TAFA2: variants seen among roughly 807,000 people sequenced by gnomAD.
The protein encoded by TAFA2 is TAFA chemokine like family member 2.
TAFA2 carries 7 observed loss-of-function variants against 18.8 expected under a neutral mutation model. The ratio of observed to expected loss-of-function variants is 0.37; its 90% CI spans 0.21 to 0.70. The LOEUF (loss-of-function observed/expected upper bound fraction) is 0.70. Among genes scored for constraint, TAFA2 ranks in the 30% least tolerant of loss-of-function variants. The probability of loss-of-function intolerance (pLI) is 0.53; values close to 1 mark genes in which losing one functional copy is unlikely to be tolerated. For synonymous variants in TAFA2, 60 were observed against 54.2 expected, an observed-to-expected ratio of 1.11 and a Z score of -0.47; for missense variants, 122 against 158.1, an observed-to-expected ratio of 0.77 and a Z score of 1.23.
chr12:62,133,955 C>T lies in TAFA2; in HGVS notation c.-2+57304G>A, dbSNP rs189227745. Among the ~76,000 whole-genome samples the T allele has an allele frequency of 5.5e-4, 84 of 152,156 alleles. 1 individual carries two copies. Among genetic ancestry groups the T allele is most frequent in the African/African-American group, 2.0e-3 (82 of 41,556 alleles). On this transcript the variant is annotated intron_variant, in intron 1 of 4. Coordinates refer to ENST00000416284, the MANE Select transcript of TAFA2 (RefSeq NM_178539.5). ...GAGTTCTACCTGCTCACCTCTCTAA[C>T]TTCATCTCACGATACTCTACTCCTA...
chr12:62,153,258 G>A (rs1311993393), intron 1 of TAFA2, among the ~76,000 whole-genome samples: 2 of 152,122 alleles, frequency 1.3e-5, no homozygotes, highest in African/African-American at 4.8e-5. Flanking sequence ...ATTATATTAT[G>A]TGATATAAGA....
At chr12:62,071,509 A>C (rs1034545470) in intron 1 of TAFA2, among the ~76,000 whole-genome samples, 2 of 152,108 alleles carry the variant, frequency 1.3e-5, no homozygotes, top group African/African-American at 4.8e-5. Flanking sequence ...TGGGAGGCCG[A>C]GACAGGAGGA....
chr12:61,887,585 T>A (rs12814709), intron 1 of TAFA2, among the ~76,000 whole-genome samples: 1 of 72,882 alleles, frequency 1.4e-5, no homozygotes. Flanking sequence ...CCCTCCCCCC[T>A]CCCCCCACCC....
chr12:61,781,009 A>G (rs1317388175), intron 2 of TAFA2, among the ~76,000 whole-genome samples: 1 of 151,660 alleles, frequency 6.6e-6, no homozygotes, highest in Non-Finnish European at 1.5e-5. Flanking sequence ...GCTTCCTCCC[A>G]TCTAACTATC....
chr12:61,795,121 C>G (rs2120940377), intron 2 of TAFA2, among the ~76,000 whole-genome samples: 1 of 152,256 alleles, frequency 6.6e-6, no homozygotes, highest in South Asian at 2.1e-4. Context: ...AACACTTTTA[C>G]ACTGTTGGTG....
At chr12:62,217,439 G>C (rs998835563) in intron 1 of TAFA2, among the ~76,000 whole-genome samples, 1 of 152,216 alleles carries the variant, frequency 6.6e-6, no homozygotes, top group African/African-American at 2.4e-5. Flanking sequence ...TAGACAGAGA[G>C]AAAAGACAAA....
intron 1 of TAFA2, among the ~76,000 whole-genome samples, chr12:62,001,096 C>T (rs1433493809): frequency 6.6e-6 from 1 of 152,184 alleles, no homozygotes; most frequent in Admixed American, 6.5e-5. Flanking sequence ...AGCAAAAACC[C>T]TGAACTTCCT....
intron 1 of TAFA2, among the ~76,000 whole-genome samples, chr12:61,867,915 A>G (rs1453092211): frequency 6.6e-6 from 1 of 152,138 alleles, no homozygotes; most frequent in Non-Finnish European, 1.5e-5. Context: ...TGTGCTTTTT[A>G]AAAATCACCT....
intron 4 of TAFA2, among the ~76,000 whole-genome samples, chr12:61,743,120 T>C (rs1003321971): frequency 2.0e-5 from 3 of 152,012 alleles, no homozygotes; most frequent in Admixed American, 1.3e-4. Context: ...CATTACATAC[T>C]TCCCCTCACA....
intron 1 of TAFA2, among the ~76,000 whole-genome samples, chr12:62,126,378 A>G (rs1031592657): frequency 6.6e-6 from 1 of 152,200 alleles, no homozygotes; most frequent in Non-Finnish European, 1.5e-5. Context: ...GCATTAACAT[A>G]TATTTCGTTC....
intron 1 of TAFA2, among the ~76,000 whole-genome samples, chr12:62,024,031 C>A (rs916788714): frequency 2.0e-5 from 3 of 152,118 alleles, no homozygotes; most frequent in African/African-American, 7.2e-5. Context: ...ATATTGGAAT[C>A]GGTTGCCTTA....
At position 61,889,185 on chromosome 12, in the gene TAFA2, G is replaced by A. The variant is rs1005549602; in HGVS notation, c.-1-21759C>T. ...CACTTAGGAAGGTCCATGACACACC[G>A]AAAGCATTATGTACTTTCTGTTGTC... On this transcript the variant is annotated intron_variant, in intron 1 of 4. Coordinates refer to ENST00000416284, the MANE Select transcript of TAFA2 (RefSeq NM_178539.5). 4.3e-4 allele frequency among the ~76,000 whole-genome samples: 66 copies of A among 152,124 alleles called. 1 individual carries two copies. The highest frequency in any genetic ancestry group is 2.1e-3 in the Admixed American group (32 of 15,274).
chr12:62,002,166 T>C (rs1046939328), intron 1 of TAFA2, among the ~76,000 whole-genome samples: 9 of 152,204 alleles, frequency 5.9e-5, no homozygotes, highest in African/African-American at 2.2e-4. Flanking sequence ...TTTCACTGCG[T>C]TTTCATATAG....
chr12:61,862,515 G>A (rs189654890), intron 2 of TAFA2, among the ~76,000 whole-genome samples: 1 of 152,180 alleles, frequency 6.6e-6, no homozygotes, highest in Non-Finnish European at 1.5e-5. Context: ...AGAAAACGGA[G>A]TAATACAGTT....
intron 2 of TAFA2, among the ~76,000 whole-genome samples, chr12:61,795,821 G>T (rs570476217): frequency 1.3e-5 from 2 of 151,520 alleles, no homozygotes; most frequent in South Asian, 2.1e-4. Flanking sequence ...TATAGAGCTA[G>T]AATAATCAAG....
intron 1 of TAFA2, among the ~76,000 whole-genome samples, chr12:62,229,003 ATTTC>A (rs1441152940): frequency 7.3e-5 from 11 of 151,460 alleles, no homozygotes; most frequent in Admixed American, 7.2e-4. Context: ...ATTCTTTTTT[ATTTC>A]TTTTTCAGTT....
At chr12:62,030,860 G>T (rs1300716156) in intron 1 of TAFA2, among the ~76,000 whole-genome samples, 1 of 152,058 alleles carries the variant, frequency 6.6e-6, no homozygotes, top group Non-Finnish European at 1.5e-5. Context: ...TAAAGGTAAG[G>T]CTTTGGGTTT....
At chr12:62,194,301 T>TCACACACA (rs60670024), upstream of TAFA2, among the ~76,000 whole-genome samples, 4,341 of 145,992 alleles carry the variant, frequency 0.03, 66 homozygotes, top group African/African-American at 0.054. Context: ...GGCTTTCTTT[T>TCACACACA]CACACACACA....
intron 1 of TAFA2, among the ~76,000 whole-genome samples, chr12:62,231,358 CT>C (rs1195343293): frequency 8.5e-5 from 13 of 152,236 alleles, no homozygotes; most frequent in Non-Finnish European, 1.6e-4. Context: ...TTTTTACAGT[CT>C]TTAACTTGAA....
Sources: gnomAD v4.1 joint callset for allele counts (sites outside exome capture counted in the v4.1 genomes callset) on GRCh38, gnomAD v4.1.1 for gene constraint, MANE v1.5 for transcripts, NCBI Gene and HGNC (gene_info 2026-07-23, HGNC 2026-07-21) for gene names.